RAB1A: variants seen among roughly 807,000 people sequenced by gnomAD.
RAB1A encodes the protein RAB1A, member RAS oncogene family, also known as ras-related protein Rab-1A.
In RAB1A, 2 loss-of-function variants were observed where a neutral mutation model predicts 26.0. The ratio of observed to expected loss-of-function variants is 0.08; its 90% CI spans 0.03 to 0.24. The LOEUF (loss-of-function observed/expected upper bound fraction) is 0.24. Among genes scored for constraint, RAB1A ranks in the 10% least tolerant of loss-of-function variants. RAB1A has a pLI of 1.00. For synonymous variants in RAB1A, 84 were observed against 84.9 expected, an observed-to-expected ratio of 0.99 and a Z score of 0.06; for missense variants, 100 against 247.0, an observed-to-expected ratio of 0.40 and a Z score of 3.99.
At chr2:65,099,764 G>C (rs548724177) in intron 2 of RAB1A, among the ~76,000 whole-genome samples, 57 of 152,240 alleles carry the variant, frequency 3.7e-4, no homozygotes, top group African/African-American at 1.3e-3. Context: ...TTACAGGTGT[G>C]AGCCACCAAA....
intron 3 of RAB1A, among the ~76,000 whole-genome samples, chr2:65,095,867 C>T (rs867975045): frequency 4.0e-5 from 6 of 151,786 alleles, no homozygotes; most frequent in Admixed American, 2.0e-4. Flanking sequence ...CAAAAATTAT[C>T]GGAAGGCTGG....
At chr2:65,126,343 A>C (rs1670101669) in intron 1 of RAB1A, among the ~76,000 whole-genome samples, 1 of 151,692 alleles carries the variant, frequency 6.6e-6, no homozygotes, top group African/African-American at 2.4e-5. Flanking sequence ...GAAAACAAAA[A>C]CAAAAAAAAA....
chr2:65,108,368 A>AG (rs1553393533), intron 1 of RAB1A, among the ~76,000 whole-genome samples: 7 of 144,028 alleles, frequency 4.9e-5, no homozygotes, highest in Non-Finnish European at 4.5e-5. Flanking sequence ...AAAAAAAAAA[A>AG]AAAGAAAGAA....
At chr2:65,100,898 C>A (rs908630513) in intron 2 of RAB1A, among the ~76,000 whole-genome samples, 19 of 152,052 alleles carry the variant, frequency 1.2e-4, no homozygotes, top group Non-Finnish European at 2.4e-4. Flanking sequence ...GTAATCCCAG[C>A]ACTTTGGGGA....
At chr2:65,118,755 G>A (rs1365161845) in intron 1 of RAB1A, among the ~76,000 whole-genome samples, 1 of 152,166 alleles carries the variant, frequency 6.6e-6, no homozygotes, top group African/African-American at 2.4e-5. Flanking sequence ...TAGGACTACA[G>A]GCGTCAGCCC....
intron 1 of RAB1A, among the ~76,000 whole-genome samples, chr2:65,112,567 T>C (rs1669723874): frequency 6.6e-6 from 1 of 152,218 alleles, no homozygotes; most frequent in East Asian, 1.9e-4. Flanking sequence ...TTTCTATTAG[T>C]GAAAAATTCT....
At chr2:65,124,880 T>G (rs981555856) in intron 1 of RAB1A, among the ~76,000 whole-genome samples, 1 of 152,196 alleles carries the variant, frequency 6.6e-6, no homozygotes, top group African/African-American at 2.4e-5. Flanking sequence ...CAGATGGTGA[T>G]ATTCTATAGA....
chr2:65,101,663 T>A (rs1048038840), intron 2 of RAB1A, among the ~76,000 whole-genome samples: 9 of 151,884 alleles, frequency 5.9e-5, no homozygotes, highest in African/African-American at 2.2e-4. Context: ...GACACCTAAG[T>A]TTAACTTAAA....
intron 1 of RAB1A, among the ~76,000 whole-genome samples, chr2:65,115,294 T>C (rs1573084667): frequency 6.6e-6 from 1 of 152,230 alleles, no homozygotes; most frequent in Non-Finnish European, 1.5e-5. Flanking sequence ...CCTGATATAC[T>C]GGCCAATAAA....
intron 1 of RAB1A, among the ~76,000 whole-genome samples, chr2:65,122,154 TC>T (rs1370348831): frequency 1.7e-5 from 2 of 115,782 alleles, no homozygotes; most frequent in Non-Finnish European, 3.4e-5. Context: ...AGACTCTATC[TC>T]AAAAAAAAAA....
chr2:65,124,765 T>C (rs1670057307), intron 1 of RAB1A, among the ~76,000 whole-genome samples: 1 of 152,168 alleles, frequency 6.6e-6, no homozygotes, highest in Non-Finnish European at 1.5e-5. Flanking sequence ...TATCTTTAAA[T>C]GATCCTACAA....
At chr2:65,125,254 T>C (rs144617385) in intron 1 of RAB1A, among the ~76,000 whole-genome samples, 4 of 152,132 alleles carry the variant, frequency 2.6e-5, no homozygotes, top group African/African-American at 9.6e-5. Flanking sequence ...CTTCCTACTA[T>C]AGTTAGCTGG....
At chr2:65,123,612 G>A (rs971201492) in intron 1 of RAB1A, among the ~76,000 whole-genome samples, 3 of 151,996 alleles carry the variant, frequency 2.0e-5, no homozygotes, top group Non-Finnish European at 4.4e-5. Context: ...TGGATCACGA[G>A]GTCAGGAGTT....
intron 1 of RAB1A, among the ~76,000 whole-genome samples, chr2:65,111,863 C>T (rs971132239): frequency 6.6e-6 from 1 of 152,104 alleles, no homozygotes; most frequent in African/African-American, 2.4e-5. Flanking sequence ...GCAGGTGGAT[C>T]ACCTGAGGTC....
chr2:65,097,515 G>C (rs1002668014), intron 3 of RAB1A, among the ~76,000 whole-genome samples: 1 of 152,184 alleles, frequency 6.6e-6, no homozygotes, highest in African/African-American at 2.4e-5. Flanking sequence ...TGTTTCTACA[G>C]AGTTGGTGCA....
rs1669083753 is a variant in RAB1A, at chr2:65,088,275, C to A, written c.*218G>T. ...ACACACATTATTTTATAAACCAGCA[C>A]ACAAAGGTTTAAAACAGTTCTGAAA... is the stretch of plus-strand genomic sequence containing the variant. On this transcript the variant is annotated 3_prime_UTR_variant, in exon 6 of 6. Transcript: ENST00000409784. 1.1e-5 allele frequency: 5 copies of A among 467,666 alleles called. No homozygotes were observed. Among genetic ancestry groups the A allele is most frequent in the East Asian group, 3.4e-5 (1 of 29,244 alleles). 29.0% of individuals were successfully genotyped at this position (467,666 alleles called of 1,614,324 possible).
chr2:65,127,964 G>C (rs1670141190), intron 1 of RAB1A, among the ~76,000 whole-genome samples: 1 of 152,060 alleles, frequency 6.6e-6, no homozygotes, highest in Non-Finnish European at 1.5e-5. Context: ...TCGATCTCCT[G>C]ACCTCGGGAT....
At chr2:65,126,558 AC>A (rs1670106533) in intron 1 of RAB1A, among the ~76,000 whole-genome samples, 1 of 152,218 alleles carries the variant, frequency 6.6e-6, no homozygotes, top group Admixed American at 6.5e-5. Context: ...CATTTTCACT[AC>A]CAAATTTAGC....
chr2:65,113,051 A>G (rs1159147294), intron 1 of RAB1A, among the ~76,000 whole-genome samples: 1 of 152,184 alleles, frequency 6.6e-6, no homozygotes, highest in Non-Finnish European at 1.5e-5. Context: ...TCTCTTAAAG[A>G]AAATTAAGGA....
Sources: gnomAD v4.1 joint callset for allele counts (sites outside exome capture counted in the v4.1 genomes callset) on GRCh38, gnomAD v4.1.1 for gene constraint, MANE v1.5 for transcripts, NCBI Gene and HGNC (gene_info 2026-07-23, HGNC 2026-07-21) for gene names.